ATP2C2: variants seen among roughly 807,000 people sequenced by gnomAD.
ATP2C2 encodes the protein calcium-transporting ATPase type 2C member 2.
A neutral mutation model predicts 110.8 loss-of-function variants in ATP2C2; 171 were observed. That is an observed-to-expected ratio of 1.54 (90% CI 1.36 to 1.75). The LOEUF is 1.75. ATP2C2 is among the 40% of genes most tolerant of loss of function. ATP2C2 has a pLI of 0.00. For synonymous variants in ATP2C2, 804 were observed against 508.4 expected, an observed-to-expected ratio of 1.58 and a Z score of -7.82; for missense variants, 1,963 against 1,235.0, an observed-to-expected ratio of 1.59 and a Z score of -8.84.
chr16:84,428,881 G>T (rs942283182), intron 11 of ATP2C2, among the ~76,000 whole-genome samples: 10 of 152,184 alleles, frequency 6.6e-5, no homozygotes, highest in African/African-American at 2.4e-4. Context: ...CCAGGGGTTG[G>T]ACTTTCCCCC....
rs1410786726 is a variant in ATP2C2 at position 84,416,931 on chromosome 16, AGG to A, written c.624+1343_624+1344del. ...TTCTCCCGAGAAGGGGGGTCCTAAC[AGG>A]GGATGCTCCAGATGCCAGGCAGCTT... On this transcript the variant is annotated intron_variant, in intron 7 of 26. Transcript: ENST00000262429. Among the ~76,000 whole-genome samples, 9 of 25,914 alleles carry A rather than the reference AGG, an allele frequency of 3.5e-4. No homozygotes were observed. In the East Asian group the frequency reaches 3.7e-3, roughly 11 times the overall value. The allele number at this position is 25,914 out of a possible 152,430, so 17.0% of individuals were successfully genotyped here.
At chr16:84,369,898 C>T (rs1909851926) in intron 1 of ATP2C2, among the ~76,000 whole-genome samples, 1 of 152,182 alleles carries the variant, frequency 6.6e-6, no homozygotes, top group African/African-American at 2.4e-5. Context: ...TCTGAAGTGG[C>T]ATGTTAATAT....
chr16:84,378,078 CCA>C (rs1910354464), intron 1 of ATP2C2, among the ~76,000 whole-genome samples: 1 of 152,170 alleles, frequency 6.6e-6, no homozygotes, highest in Admixed American at 6.5e-5. Context: ...ATCTGCGATT[CCA>C]GAGACCCAGA....
intron 17 of ATP2C2, among the ~76,000 whole-genome samples, chr16:84,450,851 T>G (rs1015447017): frequency 6.6e-6 from 1 of 151,710 alleles, no homozygotes; most frequent in African/African-American, 2.4e-5. Flanking sequence ...CCCCCAAGAC[T>G]GCTGGAGATG....
At position 84,462,207 on chromosome 16, in the gene ATP2C2, A is replaced by C. The variant is rs142145647; in HGVS notation, c.2722+78A>C. 2,746 of 1,549,732 alleles carry C rather than the reference A, an allele frequency of 1.8e-3. 52 individuals are homozygous for C. The African/African-American group carries it at 0.032, about 18-fold the overall frequency. The stretch of plus-strand genomic sequence containing the variant: ...CGGCAGCTGCCAGGTGGGGAGCTGC[A>C]GCCCAGGAGGGGTCAGTGCGGGAAA... On this transcript the variant is annotated intron_variant, in intron 26 of 26. Coordinates refer to ENST00000262429, the MANE Select transcript of ATP2C2 (RefSeq NM_014861.4).
chr16:84,447,968 G>A (rs1338099953), intron 16 of ATP2C2, among the ~76,000 whole-genome samples: 1 of 151,812 alleles, frequency 6.6e-6, no homozygotes. Flanking sequence ...GGTATGTCCG[G>A]TATTGAGGCT....
At chr16:84,455,082 CG>C in intron 21 of ATP2C2, 98 bp downstream of exon 21, 4 of 1,465,288 alleles carry the variant, frequency 2.7e-6, no homozygotes, top group Non-Finnish European at 3.7e-6. Flanking sequence ...GGGGGGGTCT[CG>C]CGGAGTCCCC....
At chr16:84,408,637 C>T in intron 4 of ATP2C2, 143 bp downstream of exon 4, 2 of 657,818 alleles carry the variant, frequency 3.0e-6, no homozygotes, top group Non-Finnish European at 5.1e-6. Flanking sequence ...GAAAGCAAAT[C>T]CACATCCTTC....
At chr16:84,461,057 G>C (rs1911278882) in intron 24 of ATP2C2, 1 of 466,994 alleles carries the variant, frequency 2.1e-6, no homozygotes, top group African/African-American at 2.0e-5. Flanking sequence ...TGCCGAGACG[G>C]GAGTTGAAAT....
intron 6 of ATP2C2, among the ~76,000 whole-genome samples, chr16:84,415,266 A>T (rs1325435142): frequency 1.3e-5 from 2 of 152,182 alleles, no homozygotes; most frequent in Admixed American, 1.3e-4. Context: ...CAATGGCCTC[A>T]TCTTTCAGAT....
chr16:84,455,124 G>A, intron 21 of ATP2C2, 140 bp downstream of exon 21: 1 of 1,136,314 alleles, frequency 8.8e-7, no homozygotes, highest in Non-Finnish European at 1.2e-6. Flanking sequence ...GCTCGTCAGT[G>A]TGGCAGGTGC....
At chr16:84,430,874 A>T (rs1206065820) in intron 11 of ATP2C2, among the ~76,000 whole-genome samples, 1 of 152,050 alleles carries the variant, frequency 6.6e-6, no homozygotes, top group Non-Finnish European at 1.5e-5. Flanking sequence ...CTGAAGCCTG[A>T]TCCAAAGCCG....
intron 7 of ATP2C2, among the ~76,000 whole-genome samples, chr16:84,421,658 G>A (rs973332348): frequency 1.3e-5 from 2 of 152,130 alleles, no homozygotes; most frequent in East Asian, 1.9e-4. Context: ...GTCAAGTTGC[G>A]GTTTTGCAAG....
At chr16:84,427,665 C>T (rs1232324535) in intron 11 of ATP2C2, among the ~76,000 whole-genome samples, 5 of 152,138 alleles carry the variant, frequency 3.3e-5, no homozygotes, top group Non-Finnish European at 5.9e-5. Flanking sequence ...TGCAGTGAGC[C>T]GAGATTGCGC....
intron 1 of ATP2C2, among the ~76,000 whole-genome samples, chr16:84,375,867 A>T (rs1055544215): frequency 6.6e-6 from 1 of 152,046 alleles, no homozygotes; most frequent in Admixed American, 6.6e-5. Flanking sequence ...AAAAAAGGAG[A>T]TGTGAAAAAT....
intron 5 of ATP2C2, 27 bp downstream of exon 5, chr16:84,410,630 G>T: frequency 6.2e-7 from 1 of 1,614,008 alleles, no homozygotes; most frequent in Non-Finnish European, 8.5e-7. Context: ...GTCCCAGTCA[G>T]GGTAAGCTGG....
Position 84,368,706 on chromosome 16 carries a change from G to C in ATP2C2, c.91G>C (p.Glu31Gln). 1 of 1,546,026 alleles carries C rather than the reference G, an allele frequency of 6.5e-7. No homozygotes were observed. The highest frequency in any genetic ancestry group is 2.6e-5 in the East Asian group (1 of 38,000). ...CCAGGCGCTGGAGAAGGACGAAGAG[G>C]AAGCCTTGGTGAGTCCCCGCGACTC... Reference protein sequence around the residue: ...QYQALEKDEEEALIDEQSELK... With the variant: ...QYQALEKDEEQALIDEQSELK... The change falls in exon 1 of 27, where the codon GAA becomes CAA. Residue 31 changes from glutamate to glutamine, a missense_variant. By Grantham distance (29) the Glu-to-Gln change is conservative. Coordinates refer to ENST00000262429, the MANE Select transcript of ATP2C2 (RefSeq NM_014861.4).
chr16:84,427,552 A>T (rs988138777), intron 11 of ATP2C2, among the ~76,000 whole-genome samples: 1 of 152,122 alleles, frequency 6.6e-6, no homozygotes, highest in Non-Finnish European at 1.5e-5. Context: ...CCCTGTCTCT[A>T]CTAAAAATAC....
At position 84,405,151 on chromosome 16, in the gene ATP2C2, G is replaced by C. The variant is rs759777409; in HGVS notation, c.234G>C (p.Ser78=). ...AGGTGGACTTACACACTGGGCTGTC[G>C]GAGTTCTCGGTGACGCAGCGCCGGC... ...AFCVDLHTGL[S]EFSVTQRRLA... The change falls in exon 3 of 27, where the codon TCG becomes TCC. Residue 78 remains serine (S), a synonymous_variant. Transcript: ENST00000262429. 1.1e-5 allele frequency: 18 copies of C among 1,613,920 alleles called. No homozygotes were observed. The East Asian group carries it at 3.8e-4, about 34-fold the overall frequency.
Sources: allele counts gnomAD v4.1 joint callset (sites outside exome capture counted in the v4.1 genomes callset), GRCh38; gene constraint gnomAD v4.1.1; transcripts MANE v1.5; gene names NCBI Gene and HGNC (gene_info 2026-07-23, HGNC 2026-07-21).